MCHR2: variants seen among roughly 807,000 people sequenced by gnomAD.
MCHR2 encodes melanin concentrating hormone receptor 2, also known as melanin-concentrating hormone receptor 2.
In MCHR2, 15 loss-of-function variants were observed where a neutral mutation model predicts 24.8. That is an observed-to-expected ratio of 0.60 (90% CI 0.40 to 0.93). The LOEUF is 0.93. Ranked by LOEUF, MCHR2 falls within the 40% of genes least tolerant of loss-of-function variation. The pLI, the probability that MCHR2 is intolerant of heterozygous loss-of-function variation, is 0.00. For synonymous variants in MCHR2, 151 were observed against 147.6 expected (o/e 1.02, Z -0.17); for missense variants, 386 against 408.7 (o/e 0.94, Z 0.48).
At chr6:99,981,493 C>T (rs1212138353) in intron 1 of MCHR2, among the ~76,000 whole-genome samples, 5 of 152,080 alleles carry the variant, frequency 3.3e-5, no homozygotes, top group Non-Finnish European at 7.4e-5. Flanking sequence ...TGTGGTTAAA[C>T]ATGGAGATGT....
rs1562117515 is a variant in MCHR2 at position 99,928,113 on chromosome 6, GGTTCTGTTTATATTGCGGATTACCTTTA to G, written c.707+6257_707+6284del. ...AGATAATCGTGTGGTTTTTGTCTTT[GGTTCTGTTTATATTGCGGATTACCTTTA>G]TGGATTTGCATATATTGAACCAGCC... is the stretch of plus-strand genomic sequence containing the variant. On this transcript the variant is annotated intron_variant, in intron 5 of 5. Coordinates refer to ENST00000281806, the MANE Select transcript of MCHR2 (RefSeq NM_001040179.2). Among the ~76,000 whole-genome samples the G allele has an allele frequency of 9.2e-5, 14 of 152,210 alleles. No individual in the cohort carries two copies. In the East Asian group the frequency reaches 2.1e-3, roughly 23 times the overall value.
At chr6:99,931,296 C>A (rs946072036) in intron 5 of MCHR2, among the ~76,000 whole-genome samples, 41 of 152,134 alleles carry the variant, frequency 2.7e-4, no homozygotes, top group Non-Finnish European at 3.2e-4. Context: ...GGTCAGGGAC[C>A]CATTTGAGGA....
chr6:99,975,668 C>T (rs552642934), intron 1 of MCHR2, among the ~76,000 whole-genome samples: 12 of 152,358 alleles, frequency 7.9e-5, no homozygotes, highest in South Asian at 2.1e-4. Context: ...GCGTCGCTCA[C>T]GCTGGGAGCT....
At chr6:99,964,175 A>G (rs1775249474) in intron 1 of MCHR2, among the ~76,000 whole-genome samples, 1 of 152,154 alleles carries the variant, frequency 6.6e-6, no homozygotes, top group South Asian at 2.1e-4. Context: ...GGCAGCATAA[A>G]TGGATATATC....
chr6:99,944,671 T>C (rs1774841867), intron 3 of MCHR2, among the ~76,000 whole-genome samples: 1 of 152,088 alleles, frequency 6.6e-6, no homozygotes. Context: ...GTGGATGATG[T>C]AGTGACTGCA....
chr6:99,986,344 C>T (rs1050831934), intron 1 of MCHR2, among the ~76,000 whole-genome samples: 2 of 152,032 alleles, frequency 1.3e-5, no homozygotes, highest in Admixed American at 6.6e-5. Flanking sequence ...AAAAAGAAAT[C>T]ATGTATCAAA....
At chr6:99,953,779 C>T (rs918596653) in intron 2 of MCHR2, among the ~76,000 whole-genome samples, 23 of 151,872 alleles carry the variant, frequency 1.5e-4, no homozygotes, top group African/African-American at 5.6e-4. Context: ...TCTTCTAGCA[C>T]TTAAAGAAAA....
chr6:99,989,437 T>TA (rs1775826776), intron 1 of MCHR2, among the ~76,000 whole-genome samples: 2 of 152,164 alleles, frequency 1.3e-5, no homozygotes, highest in Admixed American at 1.3e-4. Context: ...AAATTACTAT[T>TA]ATCTTCATTT....
At chr6:99,931,459 A>C (rs1056274911) in intron 5 of MCHR2, among the ~76,000 whole-genome samples, 3 of 152,196 alleles carry the variant, frequency 2.0e-5, no homozygotes, top group Non-Finnish European at 4.4e-5. Context: ...CTACAGTGGC[A>C]GGCAGGCCTC....
chr6:99,972,505 A>C (rs1205344203), intron 1 of MCHR2, among the ~76,000 whole-genome samples: 2 of 152,152 alleles, frequency 1.3e-5, no homozygotes, highest in Non-Finnish European at 2.9e-5. Flanking sequence ...ATCCTTTCAA[A>C]AAACCAGCTC....
chr6:99,973,505 G>C (rs1775479400), intron 1 of MCHR2, among the ~76,000 whole-genome samples: 1 of 152,180 alleles, frequency 6.6e-6, no homozygotes, highest in Non-Finnish European at 1.5e-5. Context: ...GATGGGTCTT[G>C]ACTCTTTATC....
intron 5 of MCHR2, among the ~76,000 whole-genome samples, chr6:99,924,944 T>A (rs924040942): frequency 6.6e-6 from 1 of 152,138 alleles, no homozygotes; most frequent in East Asian, 1.9e-4. Context: ...TTAAGTCCAA[T>A]GTTTCTTTGT....
chr6:99,928,679 T>TACA (rs2114493750), intron 5 of MCHR2, among the ~76,000 whole-genome samples: 1 of 152,342 alleles, frequency 6.6e-6, no homozygotes, highest in East Asian at 1.9e-4. Context: ...GGATCAGTGG[T>TACA]GATATCCCCT....
intron 1 of MCHR2, among the ~76,000 whole-genome samples, chr6:99,969,448 G>T (rs1445880435): frequency 7.2e-6 from 1 of 139,400 alleles, no homozygotes; most frequent in Non-Finnish European, 1.5e-5. Context: ...CACTCCAGCT[G>T]GGTGAGAAGA....
chr6:99,986,515 T>C (rs1376204446), intron 1 of MCHR2, among the ~76,000 whole-genome samples: 2 of 152,178 alleles, frequency 1.3e-5, no homozygotes, highest in Non-Finnish European at 2.9e-5. Flanking sequence ...ATAATGTCTT[T>C]TATGGCAACA....
chr6:99,970,458 T>C lies in MCHR2; in HGVS notation c.-27-14284A>G, dbSNP rs1182249996. On this transcript the variant is annotated intron_variant, in intron 1 of 5. Transcript: ENST00000281806. The stretch of plus-strand genomic sequence containing the variant: ...TTGAGTTCATTGTAGATTCTGGATA[T>C]TAGCCCTTTGTCATATGAGTAGGGT... Among the ~76,000 whole-genome samples the C allele has an allele frequency of 2.0e-5, 3 of 152,350 alleles. No homozygotes were observed. The East Asian group carries it at 5.8e-4, about 29-fold the overall frequency.
At position 99,921,057 on chromosome 6, in the gene MCHR2, G is replaced by A. The variant is rs1382632668; in HGVS notation, c.906C>T (p.Asn302=). The A allele has an allele frequency of 6.2e-7, 1 of 1,614,172 alleles. No individual in the cohort carries two copies. The highest frequency in any genetic ancestry group is 1.6e-4 in the Middle Eastern group (1 of 6,062). ...ICLSYASSSI[N]PFLYILLSGN... ...CACTCAGCAGGATGTAGAGAAAAGG[G>A]TTAATGCTGCTGCTGGCATAGCTGA... The change falls in exon 6 of 6, where the codon AAC becomes AAT. Residue 302 remains asparagine, a synonymous_variant. Transcript: ENST00000281806.
At chr6:99,955,383 G>T (rs1248788291) in intron 2 of MCHR2, among the ~76,000 whole-genome samples, 2 of 152,116 alleles carry the variant, frequency 1.3e-5, no homozygotes, top group African/African-American at 4.8e-5. Context: ...GTACTCGGGG[G>T]CAGATGTCTC....
At chr6:99,975,016 G>A (rs768121364) in intron 1 of MCHR2, among the ~76,000 whole-genome samples, 46 of 152,168 alleles carry the variant, frequency 3.0e-4, no homozygotes, top group African/African-American at 1.1e-3. Flanking sequence ...GCTGCTCGGC[G>A]GTCAGGGACC....
Sources: allele counts gnomAD v4.1 joint callset (sites outside exome capture counted in the v4.1 genomes callset), GRCh38; gene constraint gnomAD v4.1.1; transcripts MANE v1.5; gene names NCBI Gene and HGNC (gene_info 2026-07-23, HGNC 2026-07-21).